Variants in MAN2A1 observed in about 807,000 individuals in gnomAD.
MAN2A1 encodes alpha-mannosidase 2.
MAN2A1 carries 76 observed loss-of-function variants against 142.6 expected under a neutral mutation model. That is an observed-to-expected ratio of 0.53 (90% confidence interval 0.44 to 0.65). MAN2A1 has a LOEUF of 0.65. Ranked by LOEUF, MAN2A1 falls within the 30% of genes least tolerant of loss-of-function variation. The pLI is 0.00. For missense variants in MAN2A1, 1,311 were observed against 1,365.1 expected (o/e 0.96, Z 0.62); for synonymous variants, 559 against 473.2 (o/e 1.18, Z -2.35).
intron 12 of MAN2A1, among the ~76,000 whole-genome samples, chr5:109,797,027 C>T (rs963887566): frequency 1.3e-5 from 2 of 152,234 alleles, no homozygotes; most frequent in South Asian, 2.1e-4. Context: ...AAACTAACTA[C>T]GTTAGAGAAG....
chr5:109,752,942 G>A (rs531822400), intron 4 of MAN2A1, among the ~76,000 whole-genome samples: 1 of 152,282 alleles, frequency 6.6e-6, no homozygotes, highest in African/African-American at 2.4e-5. Context: ...GACCATTGAT[G>A]CCTGTGGGAC....
At chr5:109,766,503 C>G (rs1007653231) in intron 5 of MAN2A1, among the ~76,000 whole-genome samples, 3 of 152,030 alleles carry the variant, frequency 2.0e-5, no homozygotes, top group Admixed American at 6.6e-5. Context: ...TTACTGGCTC[C>G]CCATGTCTAT....
At chr5:109,817,161 A>T in intron 12 of MAN2A1, 112 bp from the exon 13 acceptor site, 1 of 985,998 alleles carries the variant, frequency 1.0e-6, no homozygotes, top group Non-Finnish European at 1.5e-6. Flanking sequence ...GTGAGACGCT[A>T]TCTCAAAAAT....
chr5:109,791,044 T>G (rs1753725199), intron 12 of MAN2A1, among the ~76,000 whole-genome samples: 1 of 152,108 alleles, frequency 6.6e-6, no homozygotes, highest in South Asian at 2.1e-4. Context: ...GCTTTCATAT[T>G]GAGGAGTTTT....
chr5:109,804,449 T>C (rs1754112099), intron 12 of MAN2A1, among the ~76,000 whole-genome samples: 1 of 152,144 alleles, frequency 6.6e-6, no homozygotes, highest in Non-Finnish European at 1.5e-5. Flanking sequence ...GTACTTAATA[T>C]ATACTCAAAA....
chr5:109,740,493 C>T (rs1295085715), intron 4 of MAN2A1, among the ~76,000 whole-genome samples: 8 of 151,742 alleles, frequency 5.3e-5, no homozygotes, highest in Non-Finnish European at 1.0e-4. Flanking sequence ...GGGTCTGCTG[C>T]TGGCTGCTTG....
intron 16 of MAN2A1, among the ~76,000 whole-genome samples, chr5:109,825,987 G>T (rs531634088): frequency 1.5e-5 from 2 of 132,112 alleles, no homozygotes; most frequent in South Asian, 5.3e-4. Flanking sequence ...GCTCACTGCA[G>T]CCTCTGCCCC....
chr5:109,779,060 T>C (rs1453988624), intron 8 of MAN2A1, among the ~76,000 whole-genome samples: 1 of 152,130 alleles, frequency 6.6e-6, no homozygotes, highest in East Asian at 1.9e-4. Flanking sequence ...TTCTTAAAGG[T>C]GTCCTAAATA....
chr5:109,854,965 T>A (rs1435570349), intron 19 of MAN2A1, 175 bp from the exon 20 acceptor site: 6 of 419,588 alleles, frequency 1.4e-5, no homozygotes, highest in African/African-American at 1.2e-4. Context: ...TTTTCTTTTA[T>A]TGCTTACAAC....
chr5:109,753,940 A>T (rs1752613621), intron 4 of MAN2A1, among the ~76,000 whole-genome samples: 1 of 147,834 alleles, frequency 6.8e-6, no homozygotes. Context: ...ACAATGTCTC[A>T]CTCTGTCTCC....
chr5:109,755,325 C>T lies in MAN2A1; in HGVS notation c.708-4C>T. On this transcript the variant is annotated splice_region_variant and splice_polypyrimidine_tract_variant and intron_variant, in intron 4 of 21. Transcript: ENST00000261483. ...AATGTAGACTCTTGTTATTTTCTCT[C>T]TAGTTTAATAGAAAATGGTCAGCTT... 1 of 1,606,606 alleles carries T rather than the reference C, an allele frequency of 6.2e-7. No individual in the cohort carries two copies. Among genetic ancestry groups the T allele is most frequent in the Non-Finnish European group, 8.5e-7 (1 of 1,174,150 alleles).
intron 18 of MAN2A1, among the ~76,000 whole-genome samples, chr5:109,846,539 A>G (rs1202609497): frequency 6.6e-6 from 1 of 152,234 alleles, no homozygotes; most frequent in Non-Finnish European, 1.5e-5. Context: ...GAGAGAAAAT[A>G]GTCAATAGAC....
chr5:109,728,950 C>A (rs4429893), intron 3 of MAN2A1, among the ~76,000 whole-genome samples: 1 of 151,686 alleles, frequency 6.6e-6, no homozygotes, highest in Admixed American at 6.6e-5. Context: ...ATTTGGATCC[C>A]CTATTAGGAT....
chr5:109,771,984 T>C (rs769823199), intron 7 of MAN2A1, among the ~76,000 whole-genome samples: 4 of 152,218 alleles, frequency 2.6e-5, no homozygotes, highest in Non-Finnish European at 5.9e-5. Flanking sequence ...CTTTCAACAA[T>C]TGCCCCTCAG....
chr5:109,696,872 A>T (rs544842741), intron 1 of MAN2A1, among the ~76,000 whole-genome samples: 90 of 152,360 alleles, frequency 5.9e-4, no homozygotes, highest in African/African-American at 2.1e-3. Context: ...CTTTCTCAGG[A>T]TGCCTGAAAT....
At chr5:109,705,753 C>T (rs1023960925) in intron 1 of MAN2A1, among the ~76,000 whole-genome samples, 7 of 152,208 alleles carry the variant, frequency 4.6e-5, no homozygotes, top group Admixed American at 2.0e-4. Flanking sequence ...GAGCTGCATT[C>T]CTTCTGGAGC....
intron 3 of MAN2A1, among the ~76,000 whole-genome samples, chr5:109,728,445 T>A (rs1225101999): frequency 6.6e-6 from 1 of 152,154 alleles, no homozygotes; most frequent in Admixed American, 6.6e-5. Flanking sequence ...GGGAACGGGT[T>A]ATTTTTTAGG....
At chr5:109,823,004 C>A (rs779587490) in intron 15 of MAN2A1, among the ~76,000 whole-genome samples, 2 of 152,184 alleles carry the variant, frequency 1.3e-5, no homozygotes, top group Non-Finnish European at 2.9e-5. Context: ...TTAAGTAGTT[C>A]ATATTGCAAG....
chr5:109,703,168 A>G (rs1751036891), intron 1 of MAN2A1, among the ~76,000 whole-genome samples: 1 of 152,248 alleles, frequency 6.6e-6, no homozygotes, highest in African/African-American at 2.4e-5. Context: ...ATAGGCCAAC[A>G]CTGTTTAGGT....
Sources: gnomAD v4.1 joint callset for allele counts (sites outside exome capture counted in the v4.1 genomes callset) on GRCh38, gnomAD v4.1.1 for gene constraint, MANE v1.5 for transcripts, NCBI Gene and HGNC (gene_info 2026-07-23, HGNC 2026-07-21) for gene names.